Variants in PFKFB3 observed in about 807,000 individuals in gnomAD.
PFKFB3 encodes 6-phosphofructo-2-kinase/fructose-2,6-bisphosphatase 3.
A neutral mutation model predicts 68.0 loss-of-function variants in PFKFB3; 33 were observed. That is an observed-to-expected ratio of 0.49 (90% CI 0.37 to 0.65). The LOEUF (loss-of-function observed/expected upper bound fraction) is 0.65, where lower values mean the gene tolerates loss of function less well. Ranked by LOEUF, PFKFB3 falls within the 30% of genes least tolerant of loss-of-function variation. The probability of loss-of-function intolerance (pLI) is 0.00; values close to 1 mark genes in which losing one functional copy is unlikely to be tolerated. For missense variants in PFKFB3, 586 were observed against 712.2 expected, an observed-to-expected ratio of 0.82 and a Z score of 2.02; for synonymous variants, 315 against 288.2, an observed-to-expected ratio of 1.09 and a Z score of -0.94.
intron 14 of PFKFB3, among the ~76,000 whole-genome samples, chr10:6,251,397 T>C (rs1333439938): frequency 6.6e-6 from 1 of 152,220 alleles, no homozygotes; most frequent in Non-Finnish European, 1.5e-5. Context: ...AGTTCCCCAA[T>C]AGCTTTTTGA....
chr10:6,266,579 A>G, the PFKFB3 span, among the ~76,000 whole-genome samples: 1 of 152,238 alleles, frequency 6.6e-6, no homozygotes, highest in East Asian at 1.9e-4. Flanking sequence ...ATGCGTAAAT[A>G]AAACCATACA....
chr10:6,209,532 G>A (rs1407876803), intron 1 of PFKFB3, among the ~76,000 whole-genome samples: 1 of 151,536 alleles, frequency 6.6e-6, no homozygotes, highest in Non-Finnish European at 1.5e-5. Context: ...GGAGTGCATT[G>A]GTACAATCTC....
chr10:6,318,714 G>A, the PFKFB3 span, among the ~76,000 whole-genome samples: 11 of 152,306 alleles, frequency 7.2e-5, no homozygotes, highest in East Asian at 9.6e-4. Context: ...AAAGGGAATC[G>A]TGTGGGAGGC....
chr10:6,145,243 G>A (rs1446335577), intron 1 of PFKFB3, among the ~76,000 whole-genome samples: 4 of 151,778 alleles, frequency 2.6e-5, no homozygotes, highest in Admixed American at 1.3e-4. Context: ...CTCCGGTCCT[G>A]CGTGTCCCCT....
rs774623394 is a variant in PFKFB3, at chr10:6,203,312, G to A, written c.52G>A (p.Asp18Asn). Residue 18 changes from aspartate (D) to asparagine (N), a missense_variant, in exon 1 of 15, where the codon GAC (aspartate) becomes AAC (asparagine). Coordinates refer to ENST00000379775, the MANE Select transcript of PFKFB3 (RefSeq NM_004566.4). Reference sequence around the variant, plus strand: ...AGTGCAGAAGATCTGGGTGCCCGTGGACCACAGGCCCTCGTTGCCCAGATG... The same window carrying A: ...AGTGCAGAAGATCTGGGTGCCCGTGAACCACAGGCCCTCGTTGCCCAGATG... Reference protein sequence around the residue: ...SRVQKIWVPVDHRPSLPRSCG... With the variant: ...SRVQKIWVPVNHRPSLPRSCG... 5.0e-6 allele frequency: 8 copies of A among 1,610,418 alleles called. No homozygotes were observed. The highest frequency in any genetic ancestry group is 6.8e-6 in the Non-Finnish European group (8 of 1,178,582).
the PFKFB3 span, among the ~76,000 whole-genome samples, chr10:6,275,605 C>A: frequency 6.6e-6 from 1 of 152,118 alleles, no homozygotes; most frequent in African/African-American, 2.4e-5. This position sits in a 1 kb window ranked among gnomAD's most constrained non-coding sequence, Gnocchi z 4.9. Context: ...AAAAGGGAAA[C>A]CTTGGTTTGG....
chr10:6,292,291 T>C, the PFKFB3 span, among the ~76,000 whole-genome samples: 1 of 125,664 alleles, frequency 8.0e-6, no homozygotes, highest in Non-Finnish European at 1.7e-5. Context: ...TTTTTTTTTT[T>C]TTTTTTTTTT....
chr10:6,192,094 C>G (rs1312991084), intron 1 of PFKFB3, among the ~76,000 whole-genome samples: 3 of 150,728 alleles, frequency 2.0e-5, no homozygotes, highest in Non-Finnish European at 4.4e-5. Context: ...TGTGATTTGG[C>G]CTTCACTCCT....
In PFKFB3 at chr10:6,168,077, C is replaced by T. The variant is rs566812478; in HGVS notation, c.16+23064C>T. ...CTTTAACTCCAGAGATGCTATCTAA[C>T]CATTTAGGGACAGGTTAAATCACAT... is the stretch of plus-strand genomic sequence containing the variant. On this transcript the variant is annotated intron_variant, in intron 1 of 14. Transcript: ENST00000379789. Among the ~76,000 whole-genome samples the T allele has an allele frequency of 5.9e-5, 9 of 152,302 alleles. No homozygotes were observed. In the South Asian group the frequency reaches 8.3e-4, roughly 14 times the overall value.
chr10:6,222,719 G>A (rs1845056519), intron 10 of PFKFB3, 136 bp from the exon 11 acceptor site: 5 of 941,328 alleles, frequency 5.3e-6, no homozygotes, highest in Non-Finnish European at 7.7e-6. Flanking sequence ...GTTAAACCCT[G>A]CTCCTTCTCA....
the PFKFB3 span, among the ~76,000 whole-genome samples, chr10:6,279,951 AGC>A: frequency 3.2e-4 from 41 of 130,014 alleles, no homozygotes; most frequent in Non-Finnish European, 6.3e-4. Flanking sequence ...GAAGACTCAG[AGC>A]TTTGCAGGTG....
Position 6,234,979 on chromosome 10 carries a change from G to C in PFKFB3, c.*2037G>C, listed in dbSNP as rs982615504. On this transcript the variant is annotated 3_prime_UTR_variant, in exon 15 of 15. Coordinates refer to ENST00000379775, the MANE Select transcript of PFKFB3 (RefSeq NM_004566.4). ...TAGAAAGGAGAACACTGCCTACTTTGCAAGCCAGTGACCTGCCTTTTGAGG... is the reference window on the plus strand; with the variant it reads ...TAGAAAGGAGAACACTGCCTACTTTCCAAGCCAGTGACCTGCCTTTTGAGG... 2 of 146,418 alleles carry C rather than the reference G, an allele frequency of 1.4e-5. No homozygotes were observed. Among genetic ancestry groups the C allele is most frequent in the Non-Finnish European group, 3.0e-5 (2 of 66,270 alleles). The allele number at this position is 146,418 out of a possible 1,614,324, so 9.1% of individuals were successfully genotyped here.
the PFKFB3 span, among the ~76,000 whole-genome samples, chr10:6,318,853 G>A: frequency 2.0e-5 from 3 of 152,178 alleles, no homozygotes; most frequent in Non-Finnish European, 4.4e-5. Flanking sequence ...GCTGAAACAT[G>A]AGTGGGACTT....
chr10:6,221,037 C>A (rs1464365166), intron 8 of PFKFB3, among the ~76,000 whole-genome samples, 172 bp downstream of exon 8: 1 of 85,482 alleles, frequency 1.2e-5, no homozygotes, highest in Non-Finnish European at 3.5e-5. Flanking sequence ...CTGTGTGCAT[C>A]TCTGTATGGC....
At chr10:6,250,809 A>AATTT (rs1846364123) in intron 14 of PFKFB3, among the ~76,000 whole-genome samples, 4 of 152,216 alleles carry the variant, frequency 2.6e-5, no homozygotes, top group Non-Finnish European at 5.9e-5. Context: ...CTGTTTTAAT[A>AATTT]AATGACCCAG....
chr10:6,248,335 A>G (rs1846301004), intron 14 of PFKFB3, among the ~76,000 whole-genome samples: 1 of 152,258 alleles, frequency 6.6e-6, no homozygotes, highest in South Asian at 2.1e-4. Context: ...AAGACAGCAA[A>G]TAATCTGATT....
In PFKFB3 at chr10:6,220,324, A is replaced by C. The variant is rs1327795559; in HGVS notation, c.624-334A>C. 1.3e-5 allele frequency among the ~76,000 whole-genome samples: 2 copies of C among 151,850 alleles called. No individual in the cohort carries two copies. The highest frequency in any genetic ancestry group is 4.8e-5 in the African/African-American group (2 of 41,292). On this transcript the variant is annotated intron_variant, in intron 7 of 14. Coordinates refer to ENST00000379775, the MANE Select transcript of PFKFB3 (RefSeq NM_004566.4). The surrounding 1 kb of genome is among the most constrained non-coding windows in gnomAD (Gnocchi z 4.1). ...TGCTATGTTGCCCAGGCTGGTCTTG[A>C]ACTTCTAGACTCAAGCAATCCTCTT...
At chr10:6,231,466 G>A in intron 14 of PFKFB3, 1 of 985,306 alleles carries the variant, frequency 1.0e-6, no homozygotes, top group Non-Finnish European at 1.2e-6. Context: ...TTTCTAGTCT[G>A]TCTCTCACCC....
At chr10:6,251,984 A>G (rs1400035054) in intron 14 of PFKFB3, among the ~76,000 whole-genome samples, 1 of 151,506 alleles carries the variant, frequency 6.6e-6, no homozygotes, top group East Asian at 1.9e-4. Flanking sequence ...ACAAATAAAT[A>G]AATAAAATAA....
Sources: allele counts gnomAD v4.1 joint callset (sites outside exome capture counted in the v4.1 genomes callset), GRCh38; gene constraint gnomAD v4.1.1; non-coding constraint Gnocchi (gnomAD v3.1); transcripts MANE v1.5; gene names NCBI Gene and HGNC (gene_info 2026-07-23, HGNC 2026-07-21).